Variants in SPAG16 observed in about 807,000 individuals in gnomAD.
SPAG16 encodes the protein sperm-associated antigen 16 protein.
Under a neutral mutation model 80.4 loss-of-function variants are expected in SPAG16, and 86 were observed. The ratio of observed to expected loss-of-function variants is 1.07; its 90% confidence interval spans 0.90 to 1.28. SPAG16 has a LOEUF of 1.28. Ranked by LOEUF, SPAG16 falls within the 50% of genes most tolerant of loss-of-function variation. SPAG16 has a pLI of 0.00. For missense variants in SPAG16, 870 were observed against 765.3 expected (o/e 1.14, Z -1.61); for synonymous variants, 294 against 265.9 (o/e 1.11, Z -1.03).
intron 14 of SPAG16, among the ~76,000 whole-genome samples, chr2:214,133,442 T>A (rs181856310): frequency 1.2e-3 from 183 of 152,170 alleles, no homozygotes; most frequent in Non-Finnish European, 2.0e-3. Flanking sequence ...GCAGATCACT[T>A]AAGGTCAGGA....
intron 10 of SPAG16, among the ~76,000 whole-genome samples, chr2:213,846,454 A>G (rs1370212656): frequency 6.6e-6 from 1 of 152,076 alleles, no homozygotes; most frequent in Non-Finnish European, 1.5e-5. Flanking sequence ...TTTTTTGACT[A>G]CAGTTTTTCC....
At chr2:214,387,834 G>T (rs1392610933) in intron 15 of SPAG16, among the ~76,000 whole-genome samples, 1 of 152,088 alleles carries the variant, frequency 6.6e-6, no homozygotes, top group African/African-American at 2.4e-5. Flanking sequence ...CAGGATGGGG[G>T]AGCCACCCTC....
At chr2:213,800,673 CTAAAAT>C (rs2071340272) in intron 10 of SPAG16, among the ~76,000 whole-genome samples, 1 of 152,048 alleles carries the variant, frequency 6.6e-6, no homozygotes, top group Non-Finnish European at 1.5e-5. Context: ...CTTATATAAA[CTAAAAT>C]TAAATAATAA....
chr2:213,389,589 T>G (rs1376784837), intron 9 of SPAG16, among the ~76,000 whole-genome samples: 3 of 152,136 alleles, frequency 2.0e-5, no homozygotes, highest in African/African-American at 4.8e-5. Flanking sequence ...AGGACTTTAA[T>G]AACACATTTC....
chr2:214,129,197 C>T (rs1382383821), intron 14 of SPAG16, among the ~76,000 whole-genome samples: 1 of 152,118 alleles, frequency 6.6e-6, no homozygotes, highest in Non-Finnish European at 1.5e-5. Flanking sequence ...GTACACTCTG[C>T]CTCGCAAATT....
chr2:214,212,463 G>T (rs2058319600), intron 15 of SPAG16, among the ~76,000 whole-genome samples: 1 of 151,912 alleles, frequency 6.6e-6, no homozygotes. Flanking sequence ...ACAGAACTTG[G>T]CACTACCTGA....
At chr2:213,524,482 T>C (rs1476041666) in intron 10 of SPAG16, among the ~76,000 whole-genome samples, 1 of 152,152 alleles carries the variant, frequency 6.6e-6, no homozygotes, top group Non-Finnish European at 1.5e-5. Context: ...TTTCCCTGTG[T>C]GCCTGGAAAA....
At chr2:213,381,772 C>T (rs1038282030) in intron 9 of SPAG16, among the ~76,000 whole-genome samples, 1 of 152,192 alleles carries the variant, frequency 6.6e-6, no homozygotes, top group African/African-American at 2.4e-5. Flanking sequence ...GATCTTATCT[C>T]AGAATTTCCA....
At chr2:213,956,021 A>C (rs900675772) in intron 12 of SPAG16, among the ~76,000 whole-genome samples, 9 of 151,878 alleles carry the variant, frequency 5.9e-5, no homozygotes, top group Non-Finnish European at 1.0e-4. Context: ...CCCAGGCAAC[A>C]ATCTCGGCTC....
intron 15 of SPAG16, among the ~76,000 whole-genome samples, chr2:214,353,299 A>T (rs1291921805): frequency 6.6e-6 from 1 of 152,142 alleles, no homozygotes; most frequent in Non-Finnish European, 1.5e-5. Flanking sequence ...TGAGGAAAAA[A>T]AATCGACAGT....
intron 15 of SPAG16, among the ~76,000 whole-genome samples, chr2:214,302,824 A>G (rs577134604): frequency 6.6e-6 from 1 of 152,290 alleles, no homozygotes; most frequent in South Asian, 2.1e-4. Context: ...GTGCATATGA[A>G]TTTATGATAG....
chr2:213,634,730 G>C (rs929576039), intron 10 of SPAG16, among the ~76,000 whole-genome samples: 2 of 152,138 alleles, frequency 1.3e-5, no homozygotes, highest in East Asian at 3.8e-4. Context: ...TACCCAAGAT[G>C]TAGACTTTTA....
chr2:214,315,208 A>G (rs1695591468), intron 15 of SPAG16, among the ~76,000 whole-genome samples: 1 of 152,160 alleles, frequency 6.6e-6, no homozygotes, highest in Non-Finnish European at 1.5e-5. Flanking sequence ...AGTGACACCA[A>G]AGAATATAGC....
At chr2:213,694,051 A>AAAAAAG (rs1388797225) in intron 10 of SPAG16, among the ~76,000 whole-genome samples, 2 of 151,926 alleles carry the variant, frequency 1.3e-5, no homozygotes, top group African/African-American at 4.8e-5. Context: ...ACAAAAAAAA[A>AAAAAAG]AAAGAAAAAA....
chr2:213,931,080 A>G (rs12611585), intron 12 of SPAG16, among the ~76,000 whole-genome samples: 37,829 of 117,822 alleles, frequency 0.32, 5,075 homozygotes, highest in East Asian at 0.53. Flanking sequence ...TGTTATCTCC[A>G]TGATATTTTA....
chr2:214,348,430 A>T (rs1408621750), intron 15 of SPAG16, among the ~76,000 whole-genome samples: 3 of 152,176 alleles, frequency 2.0e-5, no homozygotes, highest in Non-Finnish European at 4.4e-5. Context: ...TTCTTCCTTT[A>T]TATCTTTGAG....
At chr2:213,305,077 T>C (rs1484196816) in intron 3 of SPAG16, among the ~76,000 whole-genome samples, 1 of 152,166 alleles carries the variant, frequency 6.6e-6, no homozygotes, top group Non-Finnish European at 1.5e-5. Flanking sequence ...GCTTTCATTG[T>C]AGAGAGATCT....
chr2:213,986,908 A>T (rs1034450109), intron 12 of SPAG16, among the ~76,000 whole-genome samples: 1 of 150,754 alleles, frequency 6.6e-6, no homozygotes, highest in African/African-American at 2.4e-5. Flanking sequence ...AAAAAAAAAA[A>T]AAAAAAAAAA....
At chr2:214,109,224 T>C (rs538170058) in intron 14 of SPAG16, among the ~76,000 whole-genome samples, 1 of 152,294 alleles carries the variant, frequency 6.6e-6, no homozygotes, top group Non-Finnish European at 1.5e-5. Context: ...TGTGGTTTTC[T>C]GTAATAGCAA....
Sources: gnomAD v4.1 joint callset for allele counts (sites outside exome capture counted in the v4.1 genomes callset) on GRCh38, gnomAD v4.1.1 for gene constraint, MANE v1.5 for transcripts, NCBI Gene and HGNC (gene_info 2026-07-23, HGNC 2026-07-21) for gene names.